The following CDH17 variants were observed in gnomAD, a reference collection of about 807,000 sequenced individuals.
CDH17 encodes cadherin-17.
Under a neutral mutation model 86.3 loss-of-function variants are expected in CDH17, and 67 were observed. The observed-to-expected ratio is 0.78, with a 90% CI of 0.64 to 0.95. The LOEUF (loss-of-function observed/expected upper bound fraction) is 0.95, where lower values mean the gene tolerates loss of function less well. Ranked by LOEUF, CDH17 falls within the 40% of genes least tolerant of loss-of-function variation. The pLI is 0.00. For synonymous variants in CDH17, 367 were observed against 366.4 expected (o/e 1.00, Z -0.02); for missense variants, 993 against 1,017.6 (o/e 0.98, Z 0.33).
chr8:94,212,841 G>A (rs534619371), upstream of CDH17, among the ~76,000 whole-genome samples: 99 of 152,304 alleles, frequency 6.5e-4, no homozygotes, highest in African/African-American at 2.3e-3. Context: ...CTCCAGCTAC[G>A]CATGCCATGA....
At chr8:94,213,961 G>A (rs1814159792) in intron 1 of CDH17, among the ~76,000 whole-genome samples, 1 of 152,070 alleles carries the variant, frequency 6.6e-6, no homozygotes, top group African/African-American at 2.4e-5. Context: ...CTCACTCTGT[G>A]GAGGTCAACT....
intron 1 of CDH17, among the ~76,000 whole-genome samples, chr8:94,207,482 C>T (rs1489424675): frequency 2.0e-5 from 3 of 152,184 alleles, no homozygotes; most frequent in Non-Finnish European, 4.4e-5. Context: ...CCCATTTGGC[C>T]AACCCTGAAG....
intron 1 of CDH17, among the ~76,000 whole-genome samples, chr8:94,213,660 C>T (rs1814155209): frequency 6.6e-6 from 1 of 152,196 alleles, no homozygotes; most frequent in Non-Finnish European, 1.5e-5. Context: ...CCATCCAGCT[C>T]ATGCTCAGAT....
At chr8:94,197,051 C>T (rs1450901657) in intron 1 of CDH17, among the ~76,000 whole-genome samples, 2 of 152,186 alleles carry the variant, frequency 1.3e-5, no homozygotes, top group South Asian at 2.1e-4. Context: ...ACCACAAAAC[C>T]GGAAGACCCA....
chr8:94,190,801 A>G (rs1279398841), intron 2 of CDH17, among the ~76,000 whole-genome samples: 1 of 152,250 alleles, frequency 6.6e-6, no homozygotes, highest in Non-Finnish European at 1.5e-5. Context: ...GGGAATACCC[A>G]AAAGCCATCA....
At position 94,127,839 on chromosome 8, in the gene CDH17, T is replaced by C; in HGVS notation, c.*401A>G. 5.3e-6 allele frequency: 1 copy of C among 188,838 alleles called. No homozygotes were observed. The allele number at this position is 188,838 out of a possible 1,614,324, so 11.7% of individuals were successfully genotyped here. A position where few individuals can be genotyped will look rare whatever the true frequency, so the allele number is the denominator to read the frequency against. On this transcript the variant is annotated 3_prime_UTR_variant, in exon 18 of 18. Transcript: ENST00000027335. ...TATCTAAGTAGGTGGGTGCAGTGGT[T>C]CATGCCTGTATTGGGAGACCAAGGC... is the stretch of plus-strand genomic sequence containing the variant.
rs1226193794 is a variant in CDH17, at chr8:94,127,532, C to A, written c.*708G>T. 4 of 152,152 alleles carry A rather than the reference C, an allele frequency of 2.6e-5. No homozygotes were observed. The highest frequency in any genetic ancestry group is 2.9e-5 in the Non-Finnish European group (2 of 68,034). 9.4% of individuals were successfully genotyped at this position (152,152 alleles called of 1,614,324 possible). A position where few individuals can be genotyped will look rare whatever the true frequency, so the allele number is the denominator to read the frequency against. On this transcript the variant is annotated 3_prime_UTR_variant, in exon 18 of 18. Transcript: ENST00000027335. ...TTTTATTTATTTATTTTTCCTGAGT[C>A]CTCACGTTTTTCTTCTCTGACAAAT...
chr8:94,205,149 C>T (rs1388924282), intron 1 of CDH17, among the ~76,000 whole-genome samples: 2 of 152,116 alleles, frequency 1.3e-5, no homozygotes, highest in Non-Finnish European at 2.9e-5. Context: ...CCCGCAAAAA[C>T]CCTAGAAGGT....
chr8:94,177,767 A>T (rs372980907), intron 3 of CDH17, 46 bp from the exon 4 acceptor site: 1 of 1,582,114 alleles, frequency 6.3e-7, no homozygotes. Flanking sequence ...GGAAAAAACA[A>T]TGTTGTGGAA....
intron 9 of CDH17, among the ~76,000 whole-genome samples, chr8:94,167,228 T>A (rs932659211): frequency 6.6e-6 from 1 of 152,132 alleles, no homozygotes; most frequent in Non-Finnish European, 1.5e-5. Flanking sequence ...TACAAACCAG[T>A]GGCTATGACT....
chr8:94,128,604 A>C (rs1405623810), intron 17 of CDH17, among the ~76,000 whole-genome samples: 2 of 152,178 alleles, frequency 1.3e-5, no homozygotes, highest in Non-Finnish European at 2.9e-5. Context: ...TCTCGCTGTA[A>C]GAATATAGGA....
chr8:94,190,549 G>A (rs534083671), intron 2 of CDH17, among the ~76,000 whole-genome samples: 7 of 152,316 alleles, frequency 4.6e-5, no homozygotes, highest in Admixed American at 1.3e-4. Context: ...TCCTGGGCAC[G>A]ACTTTGGGTC....
chr8:94,131,940 T>C (rs1353007419), intron 15 of CDH17, among the ~76,000 whole-genome samples: 1 of 152,166 alleles, frequency 6.6e-6, no homozygotes, highest in African/African-American at 2.4e-5. Flanking sequence ...TGGTGTTATG[T>C]CCTTGTGATA....
In CDH17 at chr8:94,170,973, C is replaced by A. The variant is rs976177484; in HGVS notation, c.796G>T (p.Asp266Tyr). The A allele has an allele frequency of 3.1e-6, 5 of 1,613,642 alleles. No individual in the cohort carries two copies. The highest frequency in any genetic ancestry group is 3.4e-6 in the Non-Finnish European group (4 of 1,179,724). Residue 266 changes from aspartate (D) to tyrosine (Y), a missense_variant, in exon 8 of 18, where the codon GAT (aspartate) becomes TAT (tyrosine). Asp to Tyr is a radical substitution (Grantham distance 160, BLOSUM62 -3). Transcript: ENST00000027335. ...PIKITQVRWN[D>Y]PGAQYSLVDK... The stretch of plus-strand genomic sequence containing the variant: ...ACTAAGGAATATTGTGCACCGGGAT[C>A]ATTCCACCGCACCTACAGGGCCCAA...
chr8:94,136,046 T>C (rs1812517592), intron 15 of CDH17, among the ~76,000 whole-genome samples: 1 of 152,246 alleles, frequency 6.6e-6, no homozygotes, highest in African/African-American at 2.4e-5. Flanking sequence ...TGGGCTTCCC[T>C]TTGTGGGTAA....
At chr8:94,181,917 A>G (rs1813493600) in intron 3 of CDH17, among the ~76,000 whole-genome samples, 1 of 152,100 alleles carries the variant, frequency 6.6e-6, no homozygotes, top group Non-Finnish European at 1.5e-5. Flanking sequence ...AAATGAGGTA[A>G]GATTCAAATA....
intron 3 of CDH17, among the ~76,000 whole-genome samples, chr8:94,188,340 T>TG (rs1240395522): frequency 6.6e-6 from 1 of 152,210 alleles, no homozygotes; most frequent in Non-Finnish European, 1.5e-5. Context: ...AATTTGCTGA[T>TG]GCATGAACCC....
rs746991288 is a variant in CDH17 at position 94,173,875 on chromosome 8, T to G, written c.705A>C (p.Thr235=). ...SDTTSVDIIV[T]ENIWKAPKPV... is the part of the protein sequence containing the mutation. ...GTTTTGGTGCTTTCCAAATATTCTC[T>G]GTCACTATGATATCCACAGATGTGG... Residue 235 remains threonine, a synonymous_variant, in exon 7 of 18, where the codon ACA becomes ACC. Transcript: ENST00000027335. The G allele has an allele frequency of 3.1e-6, 5 of 1,613,932 alleles. No homozygotes were observed. The East Asian group carries it at 8.9e-5, about 29-fold the overall frequency.
chr8:94,130,962 G>A lies in CDH17; in HGVS notation c.2198C>T (p.Thr733Ile). Reference protein sequence around the residue: ...GTHARLSTRHTEFEEREYVVL... With the variant: ...GTHARLSTRHIEFEEREYVVL... ...GACATACTCCCTCTCCTCAAACTCTGTGTGCCTGGTAGACAGTCGGGCATG... is the reference window on the plus strand; with the variant it reads ...GACATACTCCCTCTCCTCAAACTCTATGTGCCTGGTAGACAGTCGGGCATG... The change falls in exon 16 of 18, where the codon ACA (threonine) becomes ATA (isoleucine). Residue 733 changes from threonine to isoleucine, a missense_variant. Transcript: ENST00000027335. 1 of 1,604,344 alleles carries A rather than the reference G, an allele frequency of 6.2e-7. No homozygotes were observed. Among genetic ancestry groups the A allele is most frequent in the Non-Finnish European group, 8.5e-7 (1 of 1,171,218 alleles).
Sources: allele counts gnomAD v4.1 joint callset (sites outside exome capture counted in the v4.1 genomes callset), GRCh38; gene constraint gnomAD v4.1.1; transcripts MANE v1.5; gene names NCBI Gene and HGNC (gene_info 2026-07-23, HGNC 2026-07-21).